The following UBE2U variants were observed in gnomAD, a reference collection of about 807,000 sequenced individuals.
UBE2U encodes ubiquitin conjugating enzyme E2 U.
In UBE2U, 39 loss-of-function variants were observed where a neutral mutation model predicts 41.2. The observed-to-expected ratio is 0.95, with a 90% CI of 0.73 to 1.24. The LOEUF (loss-of-function observed/expected upper bound fraction) is 1.24, where lower values mean the gene tolerates loss of function less well. UBE2U is among the 50% of genes most tolerant of loss of function. The probability of loss-of-function intolerance (pLI) is 0.00; values close to 1 mark genes in which losing one functional copy is unlikely to be tolerated. For synonymous variants in UBE2U, 107 were observed against 117.8 expected (o/e 0.91, Z 0.60); for missense variants, 336 against 363.1 (o/e 0.93, Z 0.61).
At chr1:64,266,916 C>A in intron 9 of UBE2U, 108 bp from the exon 10 acceptor site, 1 of 989,380 alleles carries the variant, frequency 1.0e-6, no homozygotes, top group Non-Finnish European at 1.5e-6. Context: ...TGCTCACATT[C>A]ATTCAGATGG....
chr1:64,241,828 C>T (rs1644839975), intron 8 of UBE2U, 95 bp downstream of exon 8: 1 of 897,046 alleles, frequency 1.1e-6, no homozygotes, highest in African/African-American at 1.7e-5. Context: ...AGAAGAAACC[C>T]TTGGAAATAA....
At chr1:64,248,226 C>T (rs958305934) in intron 8 of UBE2U, among the ~76,000 whole-genome samples, 2 of 152,118 alleles carry the variant, frequency 1.3e-5, no homozygotes, top group African/African-American at 4.8e-5. Context: ...CTCTTTCTCT[C>T]CCCTCAGTCC....
At chr1:64,239,141 GAA>G (rs1372873012) in intron 7 of UBE2U, among the ~76,000 whole-genome samples, 2 of 28,124 alleles carry the variant, frequency 7.1e-5, no homozygotes, top group Admixed American at 4.0e-4. Flanking sequence ...AGAAGAAGAA[GAA>G]GAAGAAGAAG....
At chr1:64,222,036 A>C (rs912578210) in intron 6 of UBE2U, among the ~76,000 whole-genome samples, 1 of 149,092 alleles carries the variant, frequency 6.7e-6, no homozygotes, top group Admixed American at 6.8e-5. Context: ...GCAGTGAGCC[A>C]AGCCGAGATG....
At chr1:64,226,342 C>A (rs562012608) in intron 6 of UBE2U, among the ~76,000 whole-genome samples, 5 of 152,066 alleles carry the variant, frequency 3.3e-5, no homozygotes, top group African/African-American at 1.2e-4. Flanking sequence ...TTAATCCGAT[C>A]GGTGATTGCC....
At position 64,208,603 on chromosome 1, in the gene UBE2U, C is replaced by CAAAAAAA. The variant is rs56972795; in HGVS notation, c.241+1784_241+1790dup. ...TGGGCAACAGAACAAGACGCTGTCT[C>CAAAAAAA]AAAAAAAAAAAAAAAAAAAAAAAAA... On this transcript the variant is annotated intron_variant, in intron 3 of 9. Transcript: ENST00000371077. 2.2e-4 allele frequency among the ~76,000 whole-genome samples: 8 copies of CAAAAAAA among 36,506 alleles called. 1 individual carries two copies. The highest frequency in any genetic ancestry group is 4.7e-4 in the Admixed American group (1 of 2,150). The allele number at this position is 36,506 out of a possible 152,430, so 23.9% of individuals were successfully genotyped here. A position where few individuals can be genotyped will look rare whatever the true frequency, so the allele number is the denominator to read the frequency against.
At chr1:64,266,894 T>A (rs1012591189) in intron 9 of UBE2U, 130 bp from the exon 10 acceptor site, 49 of 755,070 alleles carry the variant, frequency 6.5e-5, no homozygotes, top group Non-Finnish European at 9.7e-5. Flanking sequence ...GTTTAGAAAG[T>A]GTATAAAAGG....
intron 2 of UBE2U, among the ~76,000 whole-genome samples, 168 bp downstream of exon 2, chr1:64,205,888 A>AT (rs553043676): frequency 6.7e-4 from 91 of 134,984 alleles, no homozygotes; most frequent in South Asian, 1.7e-3. Flanking sequence ...AAATATTCCC[A>AT]TTTTTTTTAT....
intron 6 of UBE2U, among the ~76,000 whole-genome samples, chr1:64,228,912 T>C (rs1653084271): frequency 6.8e-6 from 1 of 147,398 alleles, no homozygotes; most frequent in Admixed American, 6.9e-5. Flanking sequence ...CCAGGCTGGA[T>C]TGTAGTGGCG....
intron 8 of UBE2U, among the ~76,000 whole-genome samples, chr1:64,253,509 CAGAG>C (rs1037201265): frequency 1.4e-4 from 21 of 152,096 alleles, no homozygotes; most frequent in Non-Finnish European, 5.9e-5. Context: ...TCAGGGAAGA[CAGAG>C]AGAAAGGCCA....
chr1:64,240,581 G>A (rs892802782), intron 7 of UBE2U, among the ~76,000 whole-genome samples: 1 of 152,154 alleles, frequency 6.6e-6, no homozygotes, highest in Non-Finnish European at 1.5e-5. Context: ...ATCTGTTGGA[G>A]ATTCTTGCTT....
At chr1:64,211,757 T>C (rs905341847) in intron 4 of UBE2U, among the ~76,000 whole-genome samples, 2 of 152,204 alleles carry the variant, frequency 1.3e-5, no homozygotes, top group Non-Finnish European at 2.9e-5. Flanking sequence ...GTGTTATTTC[T>C]GGTCCTTAAA....
At chr1:64,223,348 G>A (rs183876327) in intron 6 of UBE2U, among the ~76,000 whole-genome samples, 8 of 152,226 alleles carry the variant, frequency 5.3e-5, no homozygotes, top group Non-Finnish European at 1.0e-4. Flanking sequence ...TAGGCCTGTC[G>A]ATCCATTAGG....
At chr1:64,246,734 C>G (rs1459122195) in intron 8 of UBE2U, among the ~76,000 whole-genome samples, 2 of 152,166 alleles carry the variant, frequency 1.3e-5, no homozygotes, top group Admixed American at 1.3e-4. Context: ...TTCTTCAGTT[C>G]TAGCTTGTAT....
intron 8 of UBE2U, 42 bp downstream of exon 8, chr1:64,241,775 A>G: frequency 6.9e-7 from 1 of 1,448,820 alleles, no homozygotes; most frequent in Non-Finnish European, 9.5e-7. Context: ...ATTAACTTGA[A>G]TTGTCTATTA....
chr1:64,211,325 C>T (rs561980942), intron 4 of UBE2U, among the ~76,000 whole-genome samples: 2 of 152,208 alleles, frequency 1.3e-5, no homozygotes, highest in South Asian at 4.1e-4. Context: ...ACCCAGTGAA[C>T]AATTTATACC....
At chr1:64,214,679 T>C (rs970633044) in intron 4 of UBE2U, 136 bp from the exon 5 acceptor site, 7 of 649,340 alleles carry the variant, frequency 1.1e-5, no homozygotes, top group Non-Finnish European at 1.9e-5. Context: ...TCTCATGTTA[T>C]TTTTTAATCT....
intron 6 of UBE2U, among the ~76,000 whole-genome samples, chr1:64,229,080 C>T (rs1394930031): frequency 6.6e-6 from 1 of 151,838 alleles, no homozygotes; most frequent in African/African-American, 2.4e-5. Flanking sequence ...AGGATGGTCG[C>T]GATCTCCTGA....
At chr1:64,248,227 C>A (rs990061575) in intron 8 of UBE2U, among the ~76,000 whole-genome samples, 4 of 152,058 alleles carry the variant, frequency 2.6e-5, no homozygotes, top group African/African-American at 9.7e-5. Flanking sequence ...TCTTTCTCTC[C>A]CCTCAGTCCC....
Sources: gnomAD v4.1 joint callset for allele counts (sites outside exome capture counted in the v4.1 genomes callset) on GRCh38, gnomAD v4.1.1 for gene constraint, MANE v1.5 for transcripts, NCBI Gene and HGNC (gene_info 2026-07-23, HGNC 2026-07-21) for gene names.